The following SHANK2 variants were observed in gnomAD, a reference collection of about 807,000 sequenced individuals.
The protein encoded by SHANK2 is SH3 and multiple ankyrin repeat domains 2.
SHANK2 carries 43 observed loss-of-function variants against 133.7 expected under a neutral mutation model. The ratio of observed to expected loss-of-function variants is 0.32; its 90% CI spans 0.25 to 0.41. SHANK2 has a LOEUF of 0.41. SHANK2 is among the 10% of genes least tolerant of loss of function. The pLI, the probability that SHANK2 is intolerant of heterozygous loss-of-function variation, is 1.00. For missense variants in SHANK2, 1,994 were observed against 2,235.8 expected (o/e 0.89, Z 2.18); for synonymous variants, 1,017 against 952.8 (o/e 1.07, Z -1.24).
intron 3 of SHANK2, among the ~76,000 whole-genome samples, chr11:71,128,064 T>C (rs1230203380): frequency 6.6e-6 from 1 of 152,196 alleles, no homozygotes; most frequent in African/African-American, 2.4e-5. Context: ...ACTGGGCACC[T>C]TGGGTGGGAA....
At chr11:70,876,429 G>C (rs1484157077) in intron 11 of SHANK2, among the ~76,000 whole-genome samples, 2 of 151,104 alleles carry the variant, frequency 1.3e-5, no homozygotes. Flanking sequence ...GCGTGGTATC[G>C]GGCACCTATA....
At chr11:71,246,167 C>T (rs1400843673) in intron 1 of SHANK2, among the ~76,000 whole-genome samples, 1 of 151,994 alleles carries the variant, frequency 6.6e-6, no homozygotes, top group Non-Finnish European at 1.5e-5. Context: ...CCCAGGAGCC[C>T]GGAAGTCTGT....
At chr11:70,502,733 C>CGGGGGGG in intron 18 of SHANK2, 63 bp downstream of exon 18, 1 of 606,716 alleles carries the variant, frequency 1.6e-6, no homozygotes, top group Non-Finnish European at 2.5e-6. Flanking sequence ...GCTGTCCTGC[C>CGGGGGGG]CGCCCCCACC....
chr11:70,691,198 G>A (rs550050093), intron 15 of SHANK2, among the ~76,000 whole-genome samples: 6 of 152,276 alleles, frequency 3.9e-5, no homozygotes, highest in African/African-American at 1.4e-4. Context: ...ACTGTGGGGT[G>A]CTAAGGGGAA....
intron 2 of SHANK2, among the ~76,000 whole-genome samples, chr11:71,148,606 A>T (rs1952701631): frequency 1.3e-5 from 2 of 152,236 alleles, no homozygotes; most frequent in Admixed American, 1.3e-4. Flanking sequence ...GGCCACGTGC[A>T]TATGGAAAGG....
At chr11:70,827,448 G>C (rs1590732345) in intron 11 of SHANK2, among the ~76,000 whole-genome samples, 2 of 152,064 alleles carry the variant, frequency 1.3e-5, no homozygotes, top group Non-Finnish European at 1.5e-5. Context: ...GCCCTACATG[G>C]AGAAAGTCAG....
At chr11:71,204,003 G>T (rs1219139357) in intron 2 of SHANK2, among the ~76,000 whole-genome samples, 1 of 152,152 alleles carries the variant, frequency 6.6e-6, no homozygotes, top group Non-Finnish European at 1.5e-5. Context: ...TTTTGCCTTT[G>T]CTGATTCCAC....
intron 11 of SHANK2, among the ~76,000 whole-genome samples, chr11:70,852,463 C>T (rs1414338577): frequency 3.3e-5 from 5 of 152,076 alleles, no homozygotes; most frequent in Non-Finnish European, 7.4e-5. Context: ...GCAGGAAGAA[C>T]GGGCTGGCTG....
At position 70,928,151 on chromosome 11, in the gene SHANK2, G is replaced by A. The variant is rs562485144; in HGVS notation, c.1108-31584C>T. On this transcript the variant is annotated intron_variant, in intron 10 of 25. Transcript: ENST00000601538. ...AACCCTGGCTAATACAAGGCCTGTC[G>A]ACACCACAAACTGCATGCCCTGAAA... Among the ~76,000 whole-genome samples the A allele has an allele frequency of 2.5e-4, 38 of 152,004 alleles. 1 individual carries two copies. Among genetic ancestry groups the A allele is most frequent in the African/African-American group, 8.4e-4 (35 of 41,436 alleles).
At chr11:70,517,013 C>T (rs924769170) in intron 17 of SHANK2, among the ~76,000 whole-genome samples, 15 of 152,174 alleles carry the variant, frequency 9.9e-5, no homozygotes, top group African/African-American at 3.4e-4. Flanking sequence ...GTGGAGGTTG[C>T]TGTGAGTCCA....
chr11:71,076,624 T>C (rs1951223906), intron 8 of SHANK2, among the ~76,000 whole-genome samples: 2 of 151,688 alleles, frequency 1.3e-5, no homozygotes, highest in East Asian at 3.9e-4. Context: ...AGTAGATCCC[T>C]GTTGCAGGTT....
In SHANK2 at chr11:70,767,694, T is replaced by TG. The variant is rs782230264; in HGVS notation, c.1777+30748dup. On this transcript the variant is annotated intron_variant, in intron 14 of 25. Transcript: ENST00000601538. ...GAAGTAGATTAGTGGCTGCCAGGGG[T>TG]GGGGGGGGCATGAGGAGTGACTGCT... Among the ~76,000 whole-genome samples the TG allele has an allele frequency of 1.8e-3, 272 of 150,370 alleles. 1 individual carries two copies. Among genetic ancestry groups the TG allele is most frequent in the African/African-American group, 3.9e-3 (160 of 40,904 alleles).
At chr11:70,815,114 G>GT (rs1948361020) in intron 12 of SHANK2, among the ~76,000 whole-genome samples, 1 of 151,814 alleles carries the variant, frequency 6.6e-6, no homozygotes, top group Non-Finnish European at 1.5e-5. Flanking sequence ...GGGAGCAGAG[G>GT]TGTGCAGGTG....
At chr11:70,936,643 G>T (rs1402411673) in intron 10 of SHANK2, among the ~76,000 whole-genome samples, 1 of 152,196 alleles carries the variant, frequency 6.6e-6, no homozygotes, top group Non-Finnish European at 1.5e-5. Context: ...AATCATTTTG[G>T]TCTCTGAAGA....
chr11:71,098,116 C>T (rs1041021355), intron 6 of SHANK2, among the ~76,000 whole-genome samples: 5 of 143,952 alleles, frequency 3.5e-5, no homozygotes, highest in Non-Finnish European at 7.5e-5. Context: ...TGTATGCATG[C>T]CTGTATGTAT....
intron 10 of SHANK2, among the ~76,000 whole-genome samples, chr11:70,951,501 T>C (rs1454427329): frequency 4.6e-5 from 7 of 151,618 alleles, no homozygotes; most frequent in Non-Finnish European, 8.8e-5. Flanking sequence ...CATAAATTCA[T>C]TTCCCCTGGC....
Position 70,473,150 on chromosome 11 carries a change from G to A in SHANK2, c.5269C>T (p.Pro1757Ser), listed in dbSNP as rs781875898. The A allele has an allele frequency of 2.5e-6, 4 of 1,614,166 alleles. No homozygotes were observed. In the Admixed American group the frequency reaches 6.7e-5, roughly 27 times the overall value. The change falls in exon 26 of 26, where the codon CCA becomes TCA. Residue 1757 changes from proline (P) to serine (S), a missense_variant. Pro to Ser is a moderately conservative substitution (Grantham distance 74, BLOSUM62 -1). This residue lies in a region of SHANK2 where 797 missense variants were observed against 907.4 expected (regional missense o/e 0.88). Coordinates refer to ENST00000601538, the MANE Select transcript of SHANK2 (RefSeq NM_012309.5). The surrounding 1 kb of genome is among the most constrained non-coding windows in gnomAD (Gnocchi z 5.9). ...GATGGCGACCTACTGCGTCCCGCTG[G>A]GTTCAAGCCAAATAGATCCCCAGAA... is the stretch of plus-strand genomic sequence containing the variant. ...PPSGDLFGLN[P>S]AGRSRSPSPS...
intron 14 of SHANK2, among the ~76,000 whole-genome samples, chr11:70,715,468 A>T: frequency 6.6e-6 from 1 of 152,168 alleles, no homozygotes; most frequent in Non-Finnish European, 1.5e-5. Context: ...CAGGCTGGGG[A>T]CACCGTAGGA....
rs940691694 is a variant in SHANK2 at position 70,869,873 on chromosome 11, C to T, written c.1174+26628G>A. On this transcript the variant is annotated intron_variant, in intron 11 of 25. Transcript: ENST00000601538. ...CGCTGGGTCAGTGCAGGGACCTCAC[C>T]ACCAATTATGTGAATGCCTCCCCTC... Among the ~76,000 whole-genome samples, 4 of 152,106 alleles carry T rather than the reference C, an allele frequency of 2.6e-5. No homozygotes were observed. In the East Asian group the frequency reaches 5.8e-4, roughly 22 times the overall value.
Sources: gnomAD v4.1 joint callset for allele counts (sites outside exome capture counted in the v4.1 genomes callset) on GRCh38, gnomAD v4.1.1 for gene constraint, gnomAD v4.1.1 regional missense constraint, Gnocchi (gnomAD v3.1) non-coding constraint, MANE v1.5 for transcripts, NCBI Gene and HGNC (gene_info 2026-07-23, HGNC 2026-07-21) for gene names.